SNX13: variants seen among roughly 807,000 people sequenced by gnomAD.
The protein encoded by SNX13 is sorting nexin-13.
In SNX13, 45 loss-of-function variants were observed where a neutral mutation model predicts 133.6. The observed-to-expected ratio is 0.34, with a 90% CI of 0.27 to 0.43. The LOEUF (loss-of-function observed/expected upper bound fraction) is 0.43. Ranked by LOEUF, SNX13 falls within the 20% of genes least tolerant of loss-of-function variation. The pLI is 1.00. For synonymous variants in SNX13, 414 were observed against 373.9 expected (o/e 1.11, Z -1.24); for missense variants, 1,032 against 1,145.1 (o/e 0.90, Z 1.43).
At chr7:17,886,051 T>G (rs1451636361) in intron 5 of SNX13, among the ~76,000 whole-genome samples, 1 of 152,044 alleles carries the variant, frequency 6.6e-6, no homozygotes, top group Non-Finnish European at 1.5e-5. Context: ...ACTATTTGAG[T>G]TTTGTTTGCC....
chr7:17,801,374 G>C (rs1190070511), intron 22 of SNX13, among the ~76,000 whole-genome samples: 4 of 151,714 alleles, frequency 2.6e-5, no homozygotes, highest in Admixed American at 6.6e-5. Context: ...GTCCTAACAG[G>C]AACAGAGGAT....
At chr7:17,796,730 T>A in intron 25 of SNX13, 97 bp downstream of exon 25, 1 of 822,730 alleles carries the variant, frequency 1.2e-6, no homozygotes, top group South Asian at 1.4e-5. Flanking sequence ...AAAAGGTAGT[T>A]GTTATAATCA....
intron 12 of SNX13, among the ~76,000 whole-genome samples, chr7:17,845,343 AG>A (rs1356202865): frequency 1.3e-5 from 2 of 152,204 alleles, no homozygotes; most frequent in African/African-American, 2.4e-5. Context: ...TTATAGAGAC[AG>A]AAAGCAGAAT....
At chr7:17,934,770 T>C (rs1272498239) in intron 1 of SNX13, among the ~76,000 whole-genome samples, 1 of 152,028 alleles carries the variant, frequency 6.6e-6, no homozygotes, top group Non-Finnish European at 1.5e-5. Context: ...GGCCAACAAA[T>C]ACATGAAAAA....
intron 9 of SNX13, among the ~76,000 whole-genome samples, chr7:17,863,823 A>G (rs140727241): frequency 2.2e-3 from 340 of 152,342 alleles, no homozygotes; most frequent in African/African-American, 7.7e-3. Context: ...ATTACACAGA[A>G]ACAGACCCTT....
chr7:17,866,333 G>T (rs1216173178), intron 9 of SNX13, among the ~76,000 whole-genome samples: 2 of 147,516 alleles, frequency 1.4e-5, no homozygotes, highest in East Asian at 2.0e-4. Context: ...TGGGCAAAAA[G>T]ATCTGAATAG....
At chr7:17,817,178 C>A (rs1255427050) in intron 18 of SNX13, among the ~76,000 whole-genome samples, 1 of 152,166 alleles carries the variant, frequency 6.6e-6, no homozygotes, top group Non-Finnish European at 1.5e-5. Flanking sequence ...ATAAGTCTAG[C>A]ACTTATGGAC....
At chr7:17,835,009 A>C in intron 13 of SNX13, 144 bp from the exon 14 acceptor site, 1 of 546,282 alleles carries the variant, frequency 1.8e-6, no homozygotes, top group Non-Finnish European at 3.2e-6. Flanking sequence ...TTGATGTTTA[A>C]GAAGGATGAA....
intron 1 of SNX13, among the ~76,000 whole-genome samples, chr7:17,932,399 G>T (rs1801480069): frequency 6.6e-6 from 1 of 152,116 alleles, no homozygotes; most frequent in African/African-American, 2.4e-5. Flanking sequence ...TATATAAAAT[G>T]TCTAATGAAC....
At chr7:17,856,620 G>T (rs571161994) in intron 9 of SNX13, among the ~76,000 whole-genome samples, 9 of 151,682 alleles carry the variant, frequency 5.9e-5, no homozygotes, top group African/African-American at 2.2e-4. Flanking sequence ...GTAAGACCCT[G>T]TCTCTACAAA....
chr7:17,918,636 G>C (rs1370090133), intron 1 of SNX13, among the ~76,000 whole-genome samples: 1 of 152,160 alleles, frequency 6.6e-6, no homozygotes, highest in Non-Finnish European at 1.5e-5. Context: ...GGAGAAAAAG[G>C]AAATGTTAAT....
intron 1 of SNX13, among the ~76,000 whole-genome samples, chr7:17,931,328 C>G (rs1471747770): frequency 6.8e-6 from 1 of 146,886 alleles, no homozygotes; most frequent in East Asian, 2.0e-4. Context: ...AACACAATAT[C>G]ACATCTTAAA....
chr7:17,875,342 A>G (rs1794599775), intron 7 of SNX13, 138 bp downstream of exon 7: 2 of 632,450 alleles, frequency 3.2e-6, no homozygotes, highest in African/African-American at 3.7e-5. Flanking sequence ...GAGTTACAAA[A>G]TAAAATAAAA....
intron 17 of SNX13, among the ~76,000 whole-genome samples, chr7:17,821,872 C>A (rs1787333342): frequency 6.6e-6 from 1 of 152,096 alleles, no homozygotes; most frequent in Non-Finnish European, 1.5e-5. Flanking sequence ...GGCTAAATTA[C>A]AAAATAAACT....
intron 20 of SNX13, among the ~76,000 whole-genome samples, chr7:17,806,321 T>C (rs1403416020): frequency 2.6e-5 from 4 of 152,236 alleles, no homozygotes; most frequent in East Asian, 3.9e-4. Context: ...CTAGGATACA[T>C]TGTGTGACCA....
intron 8 of SNX13, among the ~76,000 whole-genome samples, chr7:17,872,299 G>A (rs1794207609): frequency 6.6e-6 from 1 of 152,164 alleles, no homozygotes; most frequent in Admixed American, 6.5e-5. Context: ...TGACATGAAA[G>A]AAAGGAGAAA....
intron 20 of SNX13, among the ~76,000 whole-genome samples, chr7:17,803,808 G>T (rs1442176103): frequency 2.0e-5 from 3 of 151,376 alleles, no homozygotes; most frequent in Non-Finnish European, 4.4e-5. Context: ...CACTTCGGCA[G>T]GCTGTAGCAG....
intron 17 of SNX13, among the ~76,000 whole-genome samples, chr7:17,823,302 A>G (rs1285403862): frequency 6.6e-6 from 1 of 152,226 alleles, no homozygotes; most frequent in Non-Finnish European, 1.5e-5. Context: ...AGACTACCAC[A>G]CTAACCAGAA....
chr7:17,803,330 A>G lies in SNX13; in HGVS notation c.2226+89T>C, dbSNP rs1456947563. 3.3e-6 allele frequency: 4 copies of G among 1,217,582 alleles called. No individual in the cohort carries two copies. In the African/African-American group the frequency reaches 6.1e-5, roughly 19 times the overall value. 75.4% of individuals were successfully genotyped at this position (1,217,582 alleles called of 1,614,324 possible). On this transcript the variant is annotated intron_variant, in intron 21 of 25. Transcript: ENST00000428135. ...AATGTTTGGAAAAGAAATAAGGTTA[A>G]GGGACTAAGGTAAATCCAACCAGAA...
Sources: gnomAD v4.1 joint callset for allele counts (sites outside exome capture counted in the v4.1 genomes callset) on GRCh38, gnomAD v4.1.1 for gene constraint, MANE v1.5 for transcripts, NCBI Gene and HGNC (gene_info 2026-07-23, HGNC 2026-07-21) for gene names.